The following DCTN5 variants were observed in gnomAD, a reference collection of about 807,000 sequenced individuals.
The protein encoded by DCTN5 is dynactin 4.
DCTN5 carries 14 observed loss-of-function variants against 23.5 expected under a neutral mutation model. The ratio of observed to expected loss-of-function variants is 0.60; its 90% confidence interval spans 0.39 to 0.93. The LOEUF is 0.93. Among genes scored for constraint, DCTN5 ranks in the 40% least tolerant of loss-of-function variants. The pLI, the probability that DCTN5 is intolerant of heterozygous loss-of-function variation, is 0.00. For missense variants in DCTN5, 156 were observed against 225.9 expected (o/e 0.69, Z 1.98); for synonymous variants, 67 against 79.6 (o/e 0.84, Z 0.84).
intron 2 of DCTN5, among the ~76,000 whole-genome samples, chr16:23,652,853 T>C (rs1160000296): frequency 6.6e-6 from 1 of 152,172 alleles, no homozygotes; most frequent in African/African-American, 2.4e-5. Context: ...AAAGATAAGA[T>C]TGGTTTTGGC....
rs559500687 is a variant in DCTN5 at position 23,665,036 on chromosome 16, T to C, written c.349-590T>C. ...GGGAGGTTCACTCCCAGGCAGGTTC[T>C]TCCTTCATGGAAATAAGATGCCTAT... On this transcript the variant is annotated intron_variant, in intron 4 of 5. Coordinates refer to ENST00000300087, the MANE Select transcript of DCTN5 (RefSeq NM_032486.4). Among the ~76,000 whole-genome samples, 65 of 152,322 alleles carry C rather than the reference T, an allele frequency of 4.3e-4. 1 individual carries two copies. The highest frequency in any genetic ancestry group is 1.5e-3 in the African/African-American group (62 of 41,560).
At chr16:23,651,059 T>A (rs1374316861) in intron 2 of DCTN5, 5 of 1,380,400 alleles carry the variant, frequency 3.6e-6, no homozygotes, top group Middle Eastern at 2.7e-4. Flanking sequence ...TTTAAATGAT[T>A]TGTTAAAATG....
chr16:23,675,029 A>G lies in DCTN5; in HGVS notation c.*7885A>G, dbSNP rs1188903735. On this transcript the variant is annotated 3_prime_UTR_variant, in exon 6 of 6. Transcript: ENST00000300087. ...CCCATTTTAACTTAGTTACCTCTTC[A>G]GGGCCTATCTTCAAATATACTCACA... 6.6e-6 allele frequency: 1 copy of G among 152,126 alleles called. No homozygotes were observed. The highest frequency in any genetic ancestry group is 1.5e-5 in the Non-Finnish European group (1 of 68,022). The allele number at this position is 152,126 out of a possible 1,614,324, so 9.4% of individuals were successfully genotyped here.
intron 2 of DCTN5, among the ~76,000 whole-genome samples, chr16:23,652,502 A>G (rs532998773): frequency 6.6e-6 from 1 of 152,216 alleles, no homozygotes; most frequent in Admixed American, 6.5e-5. Context: ...AATCATCTTT[A>G]TTGAGGTATA....
chr16:23,664,496 T>G (rs1442537438), intron 4 of DCTN5, among the ~76,000 whole-genome samples: 2 of 152,204 alleles, frequency 1.3e-5, no homozygotes, highest in African/African-American at 4.8e-5. Flanking sequence ...ATTTCCACAT[T>G]CTCAGTCAGG....
intron 4 of DCTN5, among the ~76,000 whole-genome samples, chr16:23,665,324 A>G (rs1052855518): frequency 2.0e-5 from 3 of 152,184 alleles, no homozygotes; most frequent in Non-Finnish European, 4.4e-5. Context: ...AAAAGCACAA[A>G]TGTCCACTAA....
At chr16:23,666,513 G>C (rs1462047986) in intron 5 of DCTN5, 1 of 154,034 alleles carries the variant, frequency 6.5e-6, no homozygotes, top group Non-Finnish European at 1.4e-5. Flanking sequence ...CAGAAGGAAG[G>C]AGAAAACCTC....
intron 2 of DCTN5, chr16:23,651,189 T>C (rs1286942803): frequency 7.5e-6 from 8 of 1,072,038 alleles, no homozygotes; most frequent in African/African-American, 3.3e-5. Flanking sequence ...CACTTTGCTA[T>C]CTCTGCCTTG....
At chr16:23,653,144 A>C (rs1276745930) in intron 2 of DCTN5, among the ~76,000 whole-genome samples, 1 of 152,198 alleles carries the variant, frequency 6.6e-6, no homozygotes, top group Admixed American at 6.5e-5. Context: ...CCTGTCCCCC[A>C]AAAAATGAAA....
intron 2 of DCTN5, among the ~76,000 whole-genome samples, chr16:23,651,638 GA>G (rs1374274859): frequency 6.6e-6 from 1 of 152,192 alleles, no homozygotes; most frequent in Non-Finnish European, 1.5e-5. Context: ...ACATGAAACT[GA>G]AAACAATAAT....
chr16:23,645,685 A>C (rs1967443458), intron 2 of DCTN5, among the ~76,000 whole-genome samples: 1 of 152,168 alleles, frequency 6.6e-6, no homozygotes, highest in African/African-American at 2.4e-5. Flanking sequence ...TATTTCACTT[A>C]GTGTAAGGTT....
rs1426552177 is a variant in DCTN5, at chr16:23,672,041, C to G, written c.*4897C>G. Reference sequence around the variant, plus strand: ...TGTGCCATTTCAGCTGCATTCATCTCAGTTGGTGTTGTCTGCTGGCTGCTC... The same window carrying G: ...TGTGCCATTTCAGCTGCATTCATCTGAGTTGGTGTTGTCTGCTGGCTGCTC... On this transcript the variant is annotated 3_prime_UTR_variant, in exon 6 of 6. Transcript: ENST00000300087. 6.6e-6 allele frequency: 1 copy of G among 152,140 alleles called. No individual in the cohort carries two copies. The allele number at this position is 152,140 out of a possible 1,614,324, so 9.4% of individuals were successfully genotyped here. A position where few individuals can be genotyped will look rare whatever the true frequency, so the allele number is the denominator to read the frequency against.
rs1967939697 is a variant in DCTN5, at chr16:23,668,104, T to G, written c.*960T>G. On this transcript the variant is annotated 3_prime_UTR_variant, in exon 6 of 6. Transcript: ENST00000300087. The stretch of plus-strand genomic sequence containing the variant: ...GAGCCTCAGGAGTAAATGAAGTTAC[T>G]AGGGCTGTTCTTACCATCTCCTTCT... The G allele has an allele frequency of 6.6e-6, 1 of 152,264 alleles. No homozygotes were observed. The highest frequency in any genetic ancestry group is 2.1e-4 in the South Asian group (1 of 4,830). The allele number at this position is 152,264 out of a possible 1,614,324, so 9.4% of individuals were successfully genotyped here. A position where few individuals can be genotyped will look rare whatever the true frequency, so the allele number is the denominator to read the frequency against.
At chr16:23,654,090 T>C (rs1967653271) in intron 2 of DCTN5, among the ~76,000 whole-genome samples, 1 of 152,068 alleles carries the variant, frequency 6.6e-6, no homozygotes, top group Non-Finnish European at 1.5e-5. Context: ...TTAGTGGGAG[T>C]GTAACCATTG....
intron 2 of DCTN5, among the ~76,000 whole-genome samples, chr16:23,643,959 C>T (rs1176926961): frequency 6.6e-6 from 1 of 151,978 alleles, no homozygotes; most frequent in Non-Finnish European, 1.5e-5. Flanking sequence ...ATTAATTTTT[C>T]TTTAAATATT....
intron 2 of DCTN5, among the ~76,000 whole-genome samples, chr16:23,644,049 T>A (rs150909969): frequency 6.6e-6 from 1 of 152,188 alleles, no homozygotes; most frequent in East Asian, 1.9e-4. Flanking sequence ...ATAATTAGTC[T>A]CCATTAAGCC....
rs1959219684 is a variant in DCTN5, at chr16:23,675,917, C to T, written c.*8773C>T. ...CAGGCAGTCCCTTGGAAGCCAAGGA[C>T]TCTGGGAACTTTTCAGATGGGACTG... On this transcript the variant is annotated 3_prime_UTR_variant, in exon 6 of 6. Coordinates refer to ENST00000300087, the MANE Select transcript of DCTN5 (RefSeq NM_032486.4). The T allele has an allele frequency of 6.6e-6, 1 of 152,238 alleles. No homozygotes were observed. Among genetic ancestry groups the T allele is most frequent in the South Asian group, 2.1e-4 (1 of 4,832 alleles). The allele number at this position is 152,238 out of a possible 1,614,324, so 9.4% of individuals were successfully genotyped here. A position where few individuals can be genotyped will look rare whatever the true frequency, so the allele number is the denominator to read the frequency against.
At chr16:23,665,370 T>C (rs975918518) in intron 4 of DCTN5, among the ~76,000 whole-genome samples, 1 of 152,220 alleles carries the variant, frequency 6.6e-6, no homozygotes, top group Non-Finnish European at 1.5e-5. Flanking sequence ...CATGGAAGAC[T>C]GAAATTCAGT....
At position 23,672,687 on chromosome 16, in the gene DCTN5, A is replaced by T. The variant is rs1347510015; in HGVS notation, c.*5543A>T. The T allele has an allele frequency of 6.6e-6, 1 of 152,244 alleles. No individual in the cohort carries two copies. Among genetic ancestry groups the T allele is most frequent in the African/African-American group, 2.4e-5 (1 of 41,462 alleles). 9.4% of individuals were successfully genotyped at this position (152,244 alleles called of 1,614,324 possible). Reference sequence around the variant, plus strand: ...AAACCTTGGTTGGGTAAGTAACCCAAGGTAAATGAGATCATCTCTGTAAAA... The same window carrying T: ...AAACCTTGGTTGGGTAAGTAACCCATGGTAAATGAGATCATCTCTGTAAAA... On this transcript the variant is annotated 3_prime_UTR_variant, in exon 6 of 6. Coordinates refer to ENST00000300087, the MANE Select transcript of DCTN5 (RefSeq NM_032486.4).
Sources: gnomAD v4.1 joint callset for allele counts (sites outside exome capture counted in the v4.1 genomes callset) on GRCh38, gnomAD v4.1.1 for gene constraint, MANE v1.5 for transcripts, NCBI Gene and HGNC (gene_info 2026-07-23, HGNC 2026-07-21) for gene names.